CAPRIN1: variants seen among roughly 807,000 people sequenced by gnomAD.
The protein encoded by CAPRIN1 is cell cycle associated protein 1.
CAPRIN1 carries 29 observed loss-of-function variants against 100.9 expected under a neutral mutation model. The observed-to-expected ratio is 0.29, with a 90% CI of 0.21 to 0.39. CAPRIN1 has a LOEUF of 0.39. CAPRIN1 is among the 10% of genes least tolerant of loss of function. CAPRIN1 has a pLI of 1.00. For missense variants in CAPRIN1, 795 were observed against 876.7 expected (o/e 0.91, Z 1.18); for synonymous variants, 338 against 307.5 (o/e 1.10, Z -1.04).
chr11:34,074,089 G>A (rs778699228), intron 4 of CAPRIN1, among the ~76,000 whole-genome samples: 4 of 152,276 alleles, frequency 2.6e-5, no homozygotes, highest in Middle Eastern at 3.4e-3. Context: ...TGCGTTGGGA[G>A]GGTTAAGTTT....
At chr11:34,053,569 C>G (rs934014451) in intron 2 of CAPRIN1, 1 of 150,744 alleles carries the variant, frequency 6.6e-6, no homozygotes, top group Non-Finnish European at 1.5e-5. Context: ...AGGCAGCCGC[C>G]CCGACTGGCC....
chr11:34,087,482 C>T (rs1296445868), intron 11 of CAPRIN1, among the ~76,000 whole-genome samples: 6 of 143,364 alleles, frequency 4.2e-5, no homozygotes, highest in Non-Finnish European at 9.1e-5. Context: ...TACAGGCGCC[C>T]GCCACTACAC....
intron 7 of CAPRIN1, among the ~76,000 whole-genome samples, chr11:34,082,290 C>A (rs1331802570): frequency 6.6e-6 from 1 of 152,016 alleles, no homozygotes; most frequent in Non-Finnish European, 1.5e-5. Context: ...CAGGTTCAAG[C>A]GATTCTCCTG....
chr11:34,066,136 C>T (rs192134715), intron 2 of CAPRIN1, among the ~76,000 whole-genome samples: 94 of 151,890 alleles, frequency 6.2e-4, no homozygotes, highest in Non-Finnish European at 7.7e-4. Flanking sequence ...CCACCAGGCC[C>T]GGCTACTTTT....
Position 34,052,437 on chromosome 11 carries a change from G to T in CAPRIN1, c.17G>T (p.Ser6Ile), listed in dbSNP as rs764621029. The T allele has an allele frequency of 5.0e-6, 8 of 1,607,532 alleles. No homozygotes were observed. The highest frequency in any genetic ancestry group is 6.8e-6 in the Non-Finnish European group (8 of 1,178,858). The stretch of plus-strand genomic sequence containing the variant: ...GGTCTGAAGATGCCCTCGGCCACCA[G>T]CCACAGCGGGAGCGGCAGCAAGTCG... MPSATSHSGSGSKSSG... is the reference protein window; with the variant it reads MPSATIHSGSGSKSSG... Residue 6 changes from serine to isoleucine, a missense_variant, in exon 2 of 19, where the codon AGC becomes ATC. This residue lies in a region of CAPRIN1 where 109 missense variants were observed against 86.6 expected (regional missense o/e 1.26). Transcript: ENST00000341394.
intron 4 of CAPRIN1, 58 bp from the exon 5 acceptor site, chr11:34,076,178 G>A: frequency 7.9e-7 from 1 of 1,266,946 alleles, no homozygotes; most frequent in Non-Finnish European, 1.1e-6. Flanking sequence ...ACCTGAAATG[G>A]ATTGAACTAA....
chr11:34,061,822 T>G (rs1256982193), intron 2 of CAPRIN1, among the ~76,000 whole-genome samples: 1 of 151,776 alleles, frequency 6.6e-6, no homozygotes, highest in Non-Finnish European at 1.5e-5. Context: ...AATACAAAAA[T>G]TAGCCGTGCG....
chr11:34,073,033 C>T (rs775104485), intron 4 of CAPRIN1, among the ~76,000 whole-genome samples: 1 of 152,118 alleles, frequency 6.6e-6, no homozygotes, highest in African/African-American at 2.4e-5. Context: ...TAAGTACACT[C>T]CATGTTTGCA....
At chr11:34,079,564 G>A in intron 6 of CAPRIN1, 64 bp from the exon 7 acceptor site, 3 of 1,338,226 alleles carry the variant, frequency 2.2e-6, no homozygotes, top group Non-Finnish European at 2.1e-6. Flanking sequence ...TAGAATGTTG[G>A]ATCTTCTTCA....
intron 6 of CAPRIN1, among the ~76,000 whole-genome samples, chr11:34,079,393 G>C (rs768603851): frequency 5.9e-5 from 9 of 152,066 alleles, no homozygotes; most frequent in Admixed American, 1.3e-4. Context: ...GAGCAAGACT[G>C]TATCTCAAAA....
rs888658466 is a variant in CAPRIN1 at position 34,094,315 on chromosome 11, C to T, written c.1706-2164C>T. On this transcript the variant is annotated intron_variant, in intron 15 of 18. Coordinates refer to ENST00000341394, the MANE Select transcript of CAPRIN1 (RefSeq NM_005898.5). Reference sequence around the variant, plus strand: ...AGGTGATCCACCCGCCTCGGCCTTCCAAAGTGCTGGGATTACAGGCGTGAG... The same window carrying T: ...AGGTGATCCACCCGCCTCGGCCTTCTAAAGTGCTGGGATTACAGGCGTGAG... Among the ~76,000 whole-genome samples the T allele has an allele frequency of 1.6e-4, 24 of 152,260 alleles. No individual in the cohort carries two copies. In the South Asian group the frequency reaches 2.9e-3, roughly 18 times the overall value.
intron 11 of CAPRIN1, among the ~76,000 whole-genome samples, chr11:34,088,509 T>C (rs1322421955): frequency 6.6e-6 from 1 of 151,766 alleles, no homozygotes; most frequent in African/African-American, 2.4e-5. Context: ...AATTAAAAAT[T>C]AGTCAAATAA....
chr11:34,076,736 G>GTTTTTT, intron 6 of CAPRIN1, 94 bp downstream of exon 6: 2 of 667,950 alleles, frequency 3.0e-6, no homozygotes, highest in Admixed American at 2.9e-5. Flanking sequence ...AAAAAAATTA[G>GTTTTTT]TTTTTTTTTT....
chr11:34,078,815 G>A (rs16925126), intron 6 of CAPRIN1, among the ~76,000 whole-genome samples: 15,540 of 152,108 alleles, frequency 0.1, 862 homozygotes, highest in African/African-American at 0.15. Flanking sequence ...CTACTCTTCT[G>A]GATTTCAACT....
chr11:34,092,112 AGT>A (rs1851275983), intron 15 of CAPRIN1, 56 bp downstream of exon 15: 3 of 1,576,548 alleles, frequency 1.9e-6, no homozygotes, highest in Non-Finnish European at 2.6e-6. Flanking sequence ...AGTTATTGAC[AGT>A]GTTAGGACAG....
chr11:34,083,815 C>T (rs1428692345), intron 9 of CAPRIN1, among the ~76,000 whole-genome samples: 1 of 152,088 alleles, frequency 6.6e-6, no homozygotes, highest in Non-Finnish European at 1.5e-5. Flanking sequence ...TGCCTGTAAC[C>T]CCAGCACTTT....
intron 2 of CAPRIN1, among the ~76,000 whole-genome samples, chr11:34,056,927 T>C (rs1850463426): frequency 6.6e-6 from 1 of 152,232 alleles, no homozygotes; most frequent in Non-Finnish European, 1.5e-5. Flanking sequence ...TTAATACTTT[T>C]TCCTGAAGGC....
rs1183885387 is a variant in CAPRIN1 at position 34,066,958 on chromosome 11, C to T, written c.217-4768C>T. On this transcript the variant is annotated intron_variant, in intron 2 of 18. Transcript: ENST00000341394. ...TTTTTTTTTTTTTTTTTAAGACAGT[C>T]TTACTCTGTTTCCCGGGCTGGAATG... Among the ~76,000 whole-genome samples, 6 of 142,100 alleles carry T rather than the reference C, an allele frequency of 4.2e-5. No individual in the cohort carries two copies. In the East Asian group the frequency reaches 1.2e-3, roughly 29 times the overall value. The allele number at this position is 142,100 out of a possible 152,430, so 93.2% of individuals were successfully genotyped here.
intron 14 of CAPRIN1, 105 bp downstream of exon 14, chr11:34,090,783 C>G: frequency 1.1e-6 from 1 of 883,516 alleles, no homozygotes; most frequent in Non-Finnish European, 1.8e-6. Flanking sequence ...GAGTCTGCAT[C>G]TTTCATTAAC....
Sources: gnomAD v4.1 joint callset for allele counts (sites outside exome capture counted in the v4.1 genomes callset) on GRCh38, gnomAD v4.1.1 for gene constraint, gnomAD v4.1.1 regional missense constraint, MANE v1.5 for transcripts, NCBI Gene and HGNC (gene_info 2026-07-23, HGNC 2026-07-21) for gene names.